Variants in ACADM observed in about 807,000 individuals in gnomAD.
ACADM encodes the protein medium-chain specific acyl-CoA dehydrogenase, mitochondrial.
Under a neutral mutation model 58.9 loss-of-function variants are expected in ACADM, and 49 were observed. That is an observed-to-expected ratio of 0.83 (90% CI 0.66 to 1.06). The LOEUF (loss-of-function observed/expected upper bound fraction) is 1.06. Among genes scored for constraint, ACADM ranks in the 50% least tolerant of loss-of-function variants. ACADM has a pLI of 0.00. For synonymous variants in ACADM, 160 were observed against 157.7 expected, an observed-to-expected ratio of 1.01 and a Z score of -0.11; for missense variants, 496 against 507.0, an observed-to-expected ratio of 0.98 and a Z score of 0.21.
At chr1:75,740,393 A>G (rs1331558360) in intron 7 of ACADM, among the ~76,000 whole-genome samples, 1 of 152,154 alleles carries the variant, frequency 6.6e-6, no homozygotes, top group Non-Finnish European at 1.5e-5. Flanking sequence ...TACTTGGCTT[A>G]TTATCTCCAC....
At chr1:75,724,875 C>A (rs1647023000) in intron 1 of ACADM, 58 bp downstream of exon 1, 1 of 1,374,098 alleles carries the variant, frequency 7.3e-7, no homozygotes, top group Middle Eastern at 2.0e-4. Context: ...GGTGTCGGAG[C>A]AGGGGGCCCT....
Position 75,740,005 on chromosome 1 carries a change from C to T in ACADM, c.494C>T (p.Ala165Val), listed in dbSNP as rs1260394550. ...GCTTATTGTGTAACAGAACCTGGAG[C>T]AGGCTCTGATGTAGCTGGTATAAAG... ...MCAYCVTEPG[A>V]GSDVAGIKTK... Residue 165 changes from alanine to valine, a missense_variant, in exon 7 of 12, where the codon GCA becomes GTA. Transcript: ENST00000370841. 6.2e-7 allele frequency: 1 copy of T among 1,612,176 alleles called. No individual in the cohort carries two copies. The highest frequency in any genetic ancestry group is 2.2e-5 in the East Asian group (1 of 44,750).
At chr1:75,743,897 C>A in intron 7 of ACADM, 6 of 1,448,198 alleles carry the variant, frequency 4.1e-6, no homozygotes, top group South Asian at 1.1e-5. Flanking sequence ...ACAGGCTGTT[C>A]CTGCAAGGCA....
chr1:75,743,202 G>T (rs1253640996), intron 7 of ACADM, among the ~76,000 whole-genome samples: 3 of 152,136 alleles, frequency 2.0e-5, no homozygotes, highest in African/African-American at 7.2e-5. Flanking sequence ...AAGGAATTAA[G>T]ATATTCGAGG....
chr1:75,752,494 G>T (rs1313823684), intron 10 of ACADM, among the ~76,000 whole-genome samples: 2 of 152,104 alleles, frequency 1.3e-5, no homozygotes, highest in East Asian at 3.9e-4. Flanking sequence ...CTTAACCTTA[G>T]TTTCATAATG....
chr1:75,761,176 A>G lies in ACADM; in HGVS notation c.1000A>G (p.Arg334Gly). ...AATGGCAATGAAAGTTGAACTAGCTAGAATGAGTTACCAGAGAGCAGCTTG... is the reference window on the plus strand; with the variant it reads ...AATGGCAATGAAAGTTGAACTAGCTGGAATGAGTTACCAGAGAGCAGCTTG... ...AEMAMKVELA[R>G]MSYQRAAWEV... is the part of the protein sequence containing the mutation. The change falls in exon 11 of 12, where the codon AGA (arginine) becomes GGA (glycine). Residue 334 changes from arginine (R) to glycine (G), a missense_variant. Physicochemically the swap from Arg to Gly is moderately radical, Grantham distance 125. Coordinates refer to ENST00000370841, the MANE Select transcript of ACADM (RefSeq NM_000016.6). 6.2e-7 allele frequency: 1 copy of G among 1,614,174 alleles called. No homozygotes were observed. Among genetic ancestry groups the G allele is most frequent in the Non-Finnish European group, 8.5e-7 (1 of 1,179,974 alleles).
At chr1:75,739,381 A>G (rs887851147) in intron 6 of ACADM, among the ~76,000 whole-genome samples, 5 of 152,244 alleles carry the variant, frequency 3.3e-5, no homozygotes, top group African/African-American at 9.6e-5. Context: ...TAGATATTCA[A>G]TACATGTTTG....
intron 4 of ACADM, chr1:75,733,214 T>TA: frequency 6.3e-7 from 1 of 1,581,142 alleles, no homozygotes; most frequent in Non-Finnish European, 8.6e-7. Flanking sequence ...TATTACATTT[T>TA]ATTGAGTCTT....
intron 2 of ACADM, among the ~76,000 whole-genome samples, chr1:75,729,882 T>G: frequency 2.2e-5 from 3 of 136,026 alleles, no homozygotes; most frequent in African/African-American, 8.7e-5. Context: ...TTTGGGATGG[T>G]GGATTTTTTT....
intron 10 of ACADM, among the ~76,000 whole-genome samples, chr1:75,752,634 G>T (rs72686191): frequency 0.24 from 35,867 of 151,800 alleles, 4,591 homozygotes; most frequent in Non-Finnish European, 0.3. Flanking sequence ...GTTATATTTG[G>T]TTTTTTCCAT....
At position 75,725,866 on chromosome 1, in the gene ACADM, T is replaced by A. The variant is rs1647046558; in HGVS notation, c.30+1049T>A. Among the ~76,000 whole-genome samples the A allele has an allele frequency of 3.9e-5, 6 of 152,316 alleles. No homozygotes were observed. The South Asian group carries it at 1.2e-3, about 32-fold the overall frequency. ...GTTTTGAACGGAAGCTATAAGCAGT[T>A]TGTAAACCTGTCTACGGCCACAAAT... On this transcript the variant is annotated intron_variant, in intron 1 of 11. Transcript: ENST00000370841.
chr1:75,746,496 G>A (rs1418069359), intron 8 of ACADM, among the ~76,000 whole-genome samples: 2 of 151,848 alleles, frequency 1.3e-5, no homozygotes, highest in Non-Finnish European at 1.5e-5. Flanking sequence ...GATAAATTTG[G>A]CATTTAAAGT....
At position 75,728,465 on chromosome 1, in the gene ACADM, A is replaced by G. The variant is rs768154448; in HGVS notation, c.95A>G (p.Glu32Gly). ...SQHTKANRQR[E>G]PGLGFSFEFT... ...CATACAAAAGCCAATCGACAACGTG[A>G]ACCAGGATTAGGATTTAGTTTTGGT... The change falls in exon 2 of 12, where the codon GAA (glutamate) becomes GGA (glycine). Residue 32 changes from glutamate (E) to glycine (G), a missense_variant. Physicochemically the swap from Glu to Gly is moderately conservative, Grantham distance 98. Coordinates refer to ENST00000370841, the MANE Select transcript of ACADM (RefSeq NM_000016.6). 4 of 1,613,410 alleles carry G rather than the reference A, an allele frequency of 2.5e-6. No individual in the cohort carries two copies. Among genetic ancestry groups the G allele is most frequent in the Non-Finnish European group, 3.4e-6 (4 of 1,179,492 alleles).
At chr1:75,730,703 G>A (rs566293576) in intron 2 of ACADM, among the ~76,000 whole-genome samples, 1 of 151,968 alleles carries the variant, frequency 6.6e-6, no homozygotes, top group African/African-American at 2.4e-5. Context: ...ATTTTTAAAT[G>A]TTTTGTTGAG....
chr1:75,745,641 T>A, intron 7 of ACADM, 165 bp from the exon 8 acceptor site: 1 of 660,640 alleles, frequency 1.5e-6, no homozygotes, highest in Non-Finnish European at 2.7e-6. Context: ...CTCTTCCATA[T>A]ACTAGGTACG....
rs551397840 is a variant in ACADM at position 75,761,575 on chromosome 1, A to T, written c.1194+205A>T. 7.6e-5 allele frequency: 43 copies of T among 568,212 alleles called. No homozygotes were observed. The African/African-American group carries it at 7.7e-4, about 10-fold the overall frequency. 35.2% of individuals were successfully genotyped at this position (568,212 alleles called of 1,614,324 possible). Reference sequence around the variant, plus strand: ...TATAAGTCTGAAGAGAGAATAGGCTAAAAAAAATGGTACAGACATGTGTAT... The same window carrying T: ...TATAAGTCTGAAGAGAGAATAGGCTTAAAAAAATGGTACAGACATGTGTAT... On this transcript the variant is annotated intron_variant, in intron 11 of 11. Transcript: ENST00000370841.
At chr1:75,750,863 C>G (rs1648163825) in intron 10 of ACADM, 2 of 393,416 alleles carry the variant, frequency 5.1e-6, no homozygotes, top group African/African-American at 2.1e-5. Context: ...ATTCTCCTGC[C>G]TCAGCCTCCC....
rs114256378 is a variant in ACADM at position 75,743,602 on chromosome 1, A to G, written c.600-2204A>G. ...GTCAAAGATGCCATGCATCCCCAGG[A>G]TGGCAGACAGGGGGGTTGATAATGG... is the stretch of plus-strand genomic sequence containing the variant. On this transcript the variant is annotated intron_variant, in intron 7 of 11. Coordinates refer to ENST00000370841, the MANE Select transcript of ACADM (RefSeq NM_000016.6). 3,348 of 1,567,204 alleles carry G rather than the reference A, an allele frequency of 2.1e-3. 60 individuals are homozygous for G. The African/African-American group carries it at 0.04, about 19-fold the overall frequency.
At chr1:75,737,292 A>G (rs1203755999) in intron 6 of ACADM, among the ~76,000 whole-genome samples, 3 of 84,384 alleles carry the variant, frequency 3.6e-5, no homozygotes, top group African/African-American at 9.4e-5. Context: ...ATATATATAT[A>G]TATATATATA....
Sources: allele counts gnomAD v4.1 joint callset (sites outside exome capture counted in the v4.1 genomes callset), GRCh38; gene constraint gnomAD v4.1.1; transcripts MANE v1.5; gene names NCBI Gene and HGNC (gene_info 2026-07-23, HGNC 2026-07-21).